The following DOP1A variants were observed in gnomAD, a reference collection of about 807,000 sequenced individuals.
DOP1A encodes the protein protein DOP1A.
DOP1A carries 90 observed loss-of-function variants against 267.6 expected under a neutral mutation model. That is an observed-to-expected ratio of 0.34 (90% CI 0.28 to 0.40). The LOEUF (loss-of-function observed/expected upper bound fraction) is 0.40, where lower values mean the gene tolerates loss of function less well. Among genes scored for constraint, DOP1A ranks in the 10% least tolerant of loss-of-function variants. DOP1A has a pLI of 1.00. For missense variants in DOP1A, 2,437 were observed against 2,900.4 expected, an observed-to-expected ratio of 0.84 and a Z score of 3.67; for synonymous variants, 932 against 999.1, an observed-to-expected ratio of 0.93 and a Z score of 1.27.
At chr6:83,126,890 T>G (rs1156285121) in intron 15 of DOP1A, among the ~76,000 whole-genome samples, 1 of 152,046 alleles carries the variant, frequency 6.6e-6, no homozygotes, top group Non-Finnish European at 1.5e-5. Context: ...CACCGAAAAC[T>G]TAGGGATCAG....
intron 38 of DOP1A, among the ~76,000 whole-genome samples, 178 bp downstream of exon 38, chr6:83,163,097 A>C (rs1784615855): frequency 2.0e-5 from 3 of 152,210 alleles, no homozygotes; most frequent in Admixed American, 2.0e-4. Flanking sequence ...ATTAGAAAAC[A>C]TATCGTATGT....
chr6:83,155,814 CAG>C, intron 33 of DOP1A, 135 bp from the exon 34 acceptor site: 1 of 992,432 alleles, frequency 1.0e-6, no homozygotes, highest in Non-Finnish European at 1.4e-6. Context: ...CTGTCTGCCC[CAG>C]AGAGGGGCAT....
In DOP1A at chr6:83,128,903, A is replaced by T. The variant is rs747024751; in HGVS notation, c.1736A>T (p.His579Leu). ...CTCTAACAGGTATCATCAGTTTCTC[A>T]TGAAAATCCTACTGAAGTGTTTGAA... The part of the protein sequence containing the change: ...WEDKKVSSVS[H>L]ENPTEVFEDG... Residue 579 changes from histidine to leucine, a missense_variant, in exon 16 of 39, where the codon CAT (histidine) becomes CTT (leucine). Around this residue, in one of 9 missense-constraint regions of DOP1A, gnomAD observed 498 missense variants for 513.5 expected, o/e 0.97. Coordinates refer to ENST00000349129, the MANE Select transcript of DOP1A (RefSeq NM_015018.4). 6.6e-7 allele frequency: 1 copy of T among 1,522,412 alleles called. No individual in the cohort carries two copies. 94.3% of individuals were successfully genotyped at this position (1,522,412 alleles called of 1,614,324 possible).
intron 26 of DOP1A, among the ~76,000 whole-genome samples, 153 bp from the exon 27 acceptor site, chr6:83,148,606 A>G (rs946566118): frequency 2.0e-5 from 3 of 152,204 alleles, no homozygotes; most frequent in Non-Finnish European, 2.9e-5. Context: ...TTGATATTTC[A>G]ACTGTGTTGG....
Position 83,154,259 on chromosome 6 carries a change from A to G in DOP1A, c.6451+18A>G. ...TTTGATGAGTGAGTATTACGGGATG[A>G]CAATCCAAGTTCTTTCCTGTACATG... On this transcript the variant is annotated intron_variant, in intron 33 of 38. Coordinates refer to ENST00000349129, the MANE Select transcript of DOP1A (RefSeq NM_015018.4). 2 of 1,607,116 alleles carry G rather than the reference A, an allele frequency of 1.2e-6. No homozygotes were observed. The highest frequency in any genetic ancestry group is 8.5e-7 in the Non-Finnish European group (1 of 1,174,580).
intron 8 of DOP1A, 34 bp from the exon 9 acceptor site, chr6:83,119,714 A>G: frequency 5.1e-6 from 8 of 1,580,194 alleles, no homozygotes; most frequent in East Asian, 2.2e-5. Context: ...TGAGAATTCC[A>G]TTTTAAGTAA....
At position 83,140,399 on chromosome 6, in the gene DOP1A, C is replaced by A. The variant is rs1368450048; in HGVS notation, c.5411C>A (p.Thr1804Lys). The change falls in exon 23 of 39, where the codon ACA becomes AAA. Residue 1804 changes from threonine (T) to lysine (K), a missense_variant. Physicochemically the swap from Thr to Lys is moderately conservative, Grantham distance 78. This residue lies in a region of DOP1A where 307 missense variants were observed against 308.6 expected (regional missense o/e 0.99). Coordinates refer to ENST00000349129, the MANE Select transcript of DOP1A (RefSeq NM_015018.4). ...ASLTTINLGA[T>K]KNLRQQILEL... ...CTTACCACTATTAATCTTGGAGCTA[C>A]AAAGGTTAGACAATTCATATTTAAT... is the stretch of plus-strand genomic sequence containing the variant. 1 of 1,603,448 alleles carries A rather than the reference C, an allele frequency of 6.2e-7. No individual in the cohort carries two copies. Among genetic ancestry groups the A allele is most frequent in the East Asian group, 2.2e-5 (1 of 44,844 alleles).
rs149471416 is a variant in DOP1A at position 83,073,227 on chromosome 6, C to T, written c.-147+5448C>T. On this transcript the variant is annotated intron_variant, in intron 1 of 38. Coordinates refer to ENST00000349129, the MANE Select transcript of DOP1A (RefSeq NM_015018.4). ...CCTTCCAGGTAGCTGGGACTACGGG[C>T]ATGTGCCACCATGCCCAGCTAATTT... The T allele has an allele frequency of 1.0e-2, 1,633 of 164,020 alleles. 38 individuals are homozygous for T. Among genetic ancestry groups the T allele is most frequent in the African/African-American group, 0.036 (1,493 of 41,662 alleles). The allele number at this position is 164,020 out of a possible 1,614,324, so 10.2% of individuals were successfully genotyped here.
At chr6:83,170,221 G>A (rs1361499894), downstream of DOP1A, 4 of 1,259,366 alleles carry the variant, frequency 3.2e-6, no homozygotes, top group Non-Finnish European at 4.6e-6. Context: ...AATCATCATA[G>A]TGAGATTCTA....
chr6:83,092,901 A>G (rs1272660558), intron 1 of DOP1A, among the ~76,000 whole-genome samples: 1 of 152,148 alleles, frequency 6.6e-6, no homozygotes, highest in African/African-American at 2.4e-5. Flanking sequence ...TCAGAATGTT[A>G]TGCAATTTAA....
chr6:83,084,631 G>A (rs1329682246), intron 1 of DOP1A, among the ~76,000 whole-genome samples: 1 of 152,050 alleles, frequency 6.6e-6, no homozygotes, highest in Non-Finnish European at 1.5e-5. Context: ...AGCCCAGGCT[G>A]GAGTACAGTG....
intron 1 of DOP1A, among the ~76,000 whole-genome samples, chr6:83,079,181 T>G (rs757754418): frequency 1.8e-4 from 27 of 152,172 alleles, no homozygotes; most frequent in Non-Finnish European, 3.2e-4. Context: ...GGTGAACCCT[T>G]TTTTAAAAAA....
At chr6:83,084,239 CT>C (rs1170587847) in intron 1 of DOP1A, among the ~76,000 whole-genome samples, 4 of 152,122 alleles carry the variant, frequency 2.6e-5, no homozygotes, top group Non-Finnish European at 5.9e-5. Context: ...TACACAAATA[CT>C]TACTGTTGTG....
At chr6:83,085,853 C>T (rs1439847878) in intron 1 of DOP1A, among the ~76,000 whole-genome samples, 3 of 149,842 alleles carry the variant, frequency 2.0e-5, no homozygotes, top group African/African-American at 7.3e-5. Context: ...GACAGAGTCT[C>T]GCTCTATCGC....
chr6:83,116,810 T>TA (rs1236391422), intron 7 of DOP1A, among the ~76,000 whole-genome samples: 8 of 151,794 alleles, frequency 5.3e-5, no homozygotes, highest in South Asian at 2.1e-4. Context: ...GACTCCAACT[T>TA]AAAAAAAATC....
At chr6:83,115,689 C>T (rs1775310170) in intron 7 of DOP1A, among the ~76,000 whole-genome samples, 2 of 152,148 alleles carry the variant, frequency 1.3e-5, no homozygotes, top group South Asian at 4.1e-4. Flanking sequence ...CGTGCCACTG[C>T]ACTCCAGCCT....
chr6:83,093,065 ATTATT>A (rs1269147684), intron 1 of DOP1A, among the ~76,000 whole-genome samples: 3 of 152,194 alleles, frequency 2.0e-5, no homozygotes, highest in African/African-American at 7.2e-5. Context: ...TAAACTTTAT[ATTATT>A]TTAAGTCCCT....
At chr6:83,117,363 G>A (rs1775628684) in intron 7 of DOP1A, among the ~76,000 whole-genome samples, 1 of 151,986 alleles carries the variant, frequency 6.6e-6, no homozygotes, top group African/African-American at 2.4e-5. Context: ...TGTTAGCCAG[G>A]ATGGTCTAGA....
chr6:83,163,593 T>A (rs1157595464), intron 38 of DOP1A, among the ~76,000 whole-genome samples: 1 of 152,212 alleles, frequency 6.6e-6, no homozygotes, highest in Non-Finnish European at 1.5e-5. Flanking sequence ...GATTATAACC[T>A]ACATTCAGAA....
Sources: gnomAD v4.1 joint callset for allele counts (sites outside exome capture counted in the v4.1 genomes callset) on GRCh38, gnomAD v4.1.1 for gene constraint, gnomAD v4.1.1 regional missense constraint, MANE v1.5 for transcripts, NCBI Gene and HGNC (gene_info 2026-07-23, HGNC 2026-07-21) for gene names.